The following CDK14 variants were observed in gnomAD, a reference collection of about 807,000 sequenced individuals.
CDK14 encodes the protein cyclin-dependent kinase 14.
Under a neutral mutation model 60.7 loss-of-function variants are expected in CDK14, and 34 were observed. The ratio of observed to expected loss-of-function variants is 0.56; its 90% CI spans 0.43 to 0.75. The LOEUF (loss-of-function observed/expected upper bound fraction) is 0.75, where lower values mean the gene tolerates loss of function less well. Ranked by LOEUF, CDK14 falls within the 30% of genes least tolerant of loss-of-function variation. CDK14 has a pLI of 0.00. For missense variants in CDK14, 482 were observed against 564.1 expected (o/e 0.85, Z 1.47); for synonymous variants, 197 against 203.7 (o/e 0.97, Z 0.28).
intron 3 of CDK14, 109 bp from the exon 4 acceptor site, chr7:90,747,572 A>G (rs553684512): frequency 3.0e-6 from 2 of 656,100 alleles, no homozygotes; most frequent in East Asian, 3.1e-5. Flanking sequence ...CAGAAAAAAC[A>G]GTTATTTAAA....
intron 8 of CDK14, among the ~76,000 whole-genome samples, chr7:90,934,617 C>T (rs1368536230): frequency 3.3e-5 from 5 of 152,168 alleles, no homozygotes; most frequent in Admixed American, 3.3e-4. Flanking sequence ...GGACAAGTCA[C>T]TTAAATGGAC....
chr7:90,915,769 G>A (rs949211730), intron 7 of CDK14, among the ~76,000 whole-genome samples: 9 of 152,152 alleles, frequency 5.9e-5, no homozygotes, highest in African/African-American at 1.7e-4. Context: ...TTGAGAAACC[G>A]CACTCAGTTT....
At position 90,903,267 on chromosome 7, in the gene CDK14, G is replaced by A. The variant is rs1400184307; in HGVS notation, c.702+3914G>A. Among the ~76,000 whole-genome samples the A allele has an allele frequency of 2.0e-5, 3 of 152,088 alleles. No homozygotes were observed. In the East Asian group the frequency reaches 5.8e-4, roughly 29 times the overall value. ...AGAAAGGAAATTTCTGCACCACCAT[G>A]TTCATTGAAGCACTATTCACAATAG... On this transcript the variant is annotated intron_variant, in intron 7 of 14. Transcript: ENST00000380050.
chr7:91,071,973 T>TC (rs1479152590), intron 11 of CDK14, among the ~76,000 whole-genome samples: 2 of 152,128 alleles, frequency 1.3e-5, no homozygotes, highest in African/African-American at 4.8e-5. Context: ...CTGCAGGAAC[T>TC]CCAACAACTC....
At chr7:91,126,053 T>C (rs1799933633) in intron 14 of CDK14, among the ~76,000 whole-genome samples, 1 of 152,158 alleles carries the variant, frequency 6.6e-6, no homozygotes, top group East Asian at 1.9e-4. Context: ...TAACACATAA[T>C]TATATTGTAT....
At chr7:91,042,980 T>C (rs1253902828) in intron 10 of CDK14, among the ~76,000 whole-genome samples, 2 of 152,238 alleles carry the variant, frequency 1.3e-5, no homozygotes. Flanking sequence ...TTTTTAATTA[T>C]TCTTTTCCTT....
intron 2 of CDK14, among the ~76,000 whole-genome samples, chr7:90,673,032 TA>T (rs1450800667): frequency 6.6e-6 from 1 of 152,152 alleles, no homozygotes; most frequent in Non-Finnish European, 1.5e-5. Flanking sequence ...CATAGAACAG[TA>T]AATTTACTAG....
At chr7:91,165,301 T>C (rs917416287) in intron 14 of CDK14, among the ~76,000 whole-genome samples, 1 of 152,218 alleles carries the variant, frequency 6.6e-6, no homozygotes, top group African/African-American at 2.4e-5. Context: ...TGTGCTGACA[T>C]AGAAACTGTA....
At chr7:91,129,895 T>G (rs1339784533) in intron 14 of CDK14, among the ~76,000 whole-genome samples, 1 of 152,140 alleles carries the variant, frequency 6.6e-6, no homozygotes, top group East Asian at 1.9e-4. Flanking sequence ...GTTTTCCAAA[T>G]GATCAATGCA....
Position 90,978,917 on chromosome 7 carries a change from T to C in CDK14, c.948-5231T>C, listed in dbSNP as rs1038614314. ...ATGATATATTATACTTTCTTTTCTT[T>C]GTTTTTCCATAACTGATTAGTATGA... On this transcript the variant is annotated intron_variant, in intron 9 of 14. Transcript: ENST00000380050. Among the ~76,000 whole-genome samples, 12 of 152,332 alleles carry C rather than the reference T, an allele frequency of 7.9e-5. No individual in the cohort carries two copies. In the East Asian group the frequency reaches 2.3e-3, roughly 29 times the overall value.
At chr7:91,080,402 GTTTAC>G (rs991409870) in intron 12 of CDK14, among the ~76,000 whole-genome samples, 1 of 152,190 alleles carries the variant, frequency 6.6e-6, no homozygotes, top group African/African-American at 2.4e-5. Flanking sequence ...TTCTGCGGTA[GTTTAC>G]TTTAGGGATT....
chr7:90,625,042 G>A (rs764627557), intron 2 of CDK14, among the ~76,000 whole-genome samples: 11 of 152,152 alleles, frequency 7.2e-5, no homozygotes, highest in Non-Finnish European at 1.0e-4. Context: ...AACGGCGAAT[G>A]GCTCATAGTA....
intron 10 of CDK14, among the ~76,000 whole-genome samples, chr7:91,029,748 A>AT (rs1229026398): frequency 6.6e-6 from 1 of 151,900 alleles, no homozygotes; most frequent in Non-Finnish European, 1.5e-5. Context: ...GTGTACATTG[A>AT]TTTTTGTAAC....
chr7:90,811,493 A>G (rs1422142544), intron 5 of CDK14, among the ~76,000 whole-genome samples: 9 of 152,250 alleles, frequency 5.9e-5, no homozygotes, highest in Non-Finnish European at 8.8e-5. Flanking sequence ...CTTAAACGTT[A>G]GACCTCAAAC....
intron 4 of CDK14, among the ~76,000 whole-genome samples, chr7:90,788,439 A>G (rs1805689729): frequency 6.6e-6 from 1 of 152,204 alleles, no homozygotes; most frequent in Admixed American, 6.6e-5. Context: ...CACAAACAGG[A>G]TTAGAAAAAT....
Position 91,129,421 on chromosome 7 carries a change from T to A in CDK14, c.*28+11213T>A, listed in dbSNP as rs549248532. Among the ~76,000 whole-genome samples, 122 of 152,326 alleles carry A rather than the reference T, an allele frequency of 8.0e-4. 3 individuals are homozygous for A. In the South Asian group the frequency reaches 0.025, roughly 31 times the overall value. ...ATTTTATTAAACCTCTACTTTTAGG[T>A]AAATGTCTTCTTAATATACTCTGTG... On this transcript the variant is annotated intron_variant, in intron 14 of 14. Transcript: ENST00000380050.
intron 2 of CDK14, chr7:90,608,548 C>A: frequency 1.0e-5 from 10 of 985,068 alleles, no homozygotes; most frequent in Non-Finnish European, 1.2e-5. Flanking sequence ...ATTGCCAGAA[C>A]AAAGTGTTGG....
rs567757962 is a variant in CDK14 at position 90,941,589 on chromosome 7, C to T, written c.827-14108C>T. ...CCTGCCACTTGAGTAGCTGGAACTA[C>T]AGGTGCATACTGCCAAACCCAGCTA... is the stretch of plus-strand genomic sequence containing the variant. On this transcript the variant is annotated intron_variant, in intron 8 of 14. Transcript: ENST00000380050. Among the ~76,000 whole-genome samples, 9 of 152,170 alleles carry T rather than the reference C, an allele frequency of 5.9e-5. No homozygotes were observed. The South Asian group carries it at 1.9e-3, about 32-fold the overall frequency.
chr7:91,092,444 A>G (rs41396048), intron 12 of CDK14, among the ~76,000 whole-genome samples: 10,116 of 152,302 alleles, frequency 0.066, 572 homozygotes, highest in African/African-American at 0.15. Flanking sequence ...AGAGAGAAAT[A>G]GAGGCCATGA....
Sources: gnomAD v4.1 joint callset for allele counts (sites outside exome capture counted in the v4.1 genomes callset) on GRCh38, gnomAD v4.1.1 for gene constraint, MANE v1.5 for transcripts, NCBI Gene and HGNC (gene_info 2026-07-23, HGNC 2026-07-21) for gene names.